MCTP2: variants seen among roughly 807,000 people sequenced by gnomAD.
MCTP2 encodes multiple C2 and transmembrane domain-containing protein 2.
Under a neutral mutation model 111.6 loss-of-function variants are expected in MCTP2, and 132 were observed. That is an observed-to-expected ratio of 1.18 (90% CI 1.03 to 1.37). The LOEUF (loss-of-function observed/expected upper bound fraction) is 1.37, where lower values mean the gene tolerates loss of function less well. Ranked by LOEUF, MCTP2 falls within the 40% of genes most tolerant of loss-of-function variation. MCTP2 has a pLI of 0.00. For synonymous variants in MCTP2, 395 were observed against 387.7 expected (o/e 1.02, Z -0.22); for missense variants, 1,183 against 1,067.9 (o/e 1.11, Z -1.50).
intron 1 of MCTP2, among the ~76,000 whole-genome samples, chr15:94,291,529 A>G (rs963262271): frequency 6.6e-6 from 1 of 151,960 alleles, no homozygotes; most frequent in Non-Finnish European, 1.5e-5. Context: ...TGAACCGGGG[A>G]GGTGGAGGTT....
chr15:94,335,214 G>C (rs1278154093), intron 4 of MCTP2, among the ~76,000 whole-genome samples: 1 of 152,132 alleles, frequency 6.6e-6, no homozygotes, highest in Non-Finnish European at 1.5e-5. Context: ...CCTGCTGCTC[G>C]TGAGTGAACC....
intron 1 of MCTP2, among the ~76,000 whole-genome samples, chr15:94,281,734 T>G (rs1327531293): frequency 1.3e-5 from 2 of 152,320 alleles, no homozygotes; most frequent in Non-Finnish European, 2.9e-5. Flanking sequence ...CATAAGGACC[T>G]CTTATAAGGC....
At chr15:94,257,566 GTTGTTTTTTTTTTTTTTT>G (rs1301074390) in intron 1 of MCTP2, among the ~76,000 whole-genome samples, 16 of 73,006 alleles carry the variant, frequency 2.2e-4, no homozygotes, top group African/African-American at 3.5e-4. Context: ...CATTTTCTTT[GTTGTTTTTTTTTTTTTTT>G]TTTTTTTTTT....
intron 4 of MCTP2, among the ~76,000 whole-genome samples, chr15:94,327,555 TGA>T (rs1283831653): frequency 6.6e-6 from 1 of 152,206 alleles, no homozygotes; most frequent in Non-Finnish European, 1.5e-5. Flanking sequence ...CCAGATGGCA[TGA>T]GATCATTGGC....
intron 1 of MCTP2, among the ~76,000 whole-genome samples, chr15:94,242,684 GTT>G (rs55727019): frequency 2.6e-4 from 39 of 151,100 alleles, no homozygotes; most frequent in African/African-American, 8.7e-4. Context: ...GACACTGAAA[GTT>G]TTTTTTTAAA....
intron 20 of MCTP2, among the ~76,000 whole-genome samples, chr15:94,465,319 A>G (rs1395308221): frequency 6.6e-6 from 1 of 152,092 alleles, no homozygotes; most frequent in Non-Finnish European, 1.5e-5. Context: ...GAAATCATGG[A>G]TAGTACTGAC....
chr15:94,402,824 C>T, intron 17 of MCTP2: 1 of 1,329,600 alleles, frequency 7.5e-7, no homozygotes, highest in Non-Finnish European at 9.7e-7. Context: ...GCAAAGATCA[C>T]TATAAAAACT....
chr15:94,243,367 GCGTATGTACATACATA>G (rs2071247508), intron 1 of MCTP2, among the ~76,000 whole-genome samples: 1 of 134,322 alleles, frequency 7.4e-6, no homozygotes, highest in African/African-American at 2.7e-5. Flanking sequence ...ATGCGTATAT[GCGTATGTACATACATA>G]CGTATGCGTA....
At chr15:94,239,390 A>G (rs2070780777) in intron 1 of MCTP2, among the ~76,000 whole-genome samples, 1 of 152,118 alleles carries the variant, frequency 6.6e-6, no homozygotes, top group South Asian at 2.1e-4. Context: ...CTCAATTATT[A>G]TTTTCACTGG....
At chr15:94,245,764 G>T (rs1034564299) in intron 1 of MCTP2, among the ~76,000 whole-genome samples, 3 of 149,454 alleles carry the variant, frequency 2.0e-5, no homozygotes, top group Middle Eastern at 3.5e-3. Context: ...ACCTTTGAAG[G>T]CTTTGGAAGG....
chr15:94,339,203 GA>G, intron 4 of MCTP2, 86 bp from the exon 5 acceptor site: 1 of 940,656 alleles, frequency 1.1e-6, no homozygotes, highest in Non-Finnish European at 1.6e-6. Context: ...TTAGCCTGGG[GA>G]GTGGGGAAAG....
At chr15:94,399,555 C>T (rs887571604) in intron 15 of MCTP2, 3 of 182,400 alleles carry the variant, frequency 1.6e-5, no homozygotes, top group African/African-American at 4.7e-5. Flanking sequence ...AATTGTTATT[C>T]ACATGCAGAC....
At chr15:94,292,814 G>A (rs1168299916) in intron 1 of MCTP2, 2 of 152,038 alleles carry the variant, frequency 1.3e-5, no homozygotes, top group Non-Finnish European at 2.9e-5. Flanking sequence ...AATTTGGAGA[G>A]GTCACACTAC....
At chr15:94,288,016 C>G (rs375353331) in intron 1 of MCTP2, among the ~76,000 whole-genome samples, 1 of 152,154 alleles carries the variant, frequency 6.6e-6, no homozygotes, top group Non-Finnish European at 1.5e-5. Context: ...GTGGTGGAGG[C>G]AGTGGCAGCA....
At chr15:94,436,580 C>T (rs2083488900) in intron 17 of MCTP2, among the ~76,000 whole-genome samples, 1 of 152,048 alleles carries the variant, frequency 6.6e-6, no homozygotes, top group African/African-American at 2.4e-5. Context: ...TCTAGGATTG[C>T]TTAAGTATTC....
chr15:94,245,664 G>T (rs993608252), intron 1 of MCTP2, among the ~76,000 whole-genome samples: 60 of 144,974 alleles, frequency 4.1e-4, no homozygotes, highest in African/African-American at 1.5e-3. Context: ...ATATGTAAAT[G>T]TGTATATACA....
At chr15:94,459,399 A>G in intron 20 of MCTP2, among the ~76,000 whole-genome samples, 1 of 152,214 alleles carries the variant, frequency 6.6e-6, no homozygotes, top group Non-Finnish European at 1.5e-5. Context: ...ATGTTTTCTC[A>G]GTTGCACAGC....
intron 10 of MCTP2, among the ~76,000 whole-genome samples, 175 bp from the exon 11 acceptor site, chr15:94,367,430 G>T (rs867820990): frequency 6.6e-6 from 1 of 152,154 alleles, no homozygotes. Context: ...ATTTTAGAGT[G>T]TGTTAGGCTG....
chr15:94,351,354 A>G (rs1329939571), intron 8 of MCTP2, among the ~76,000 whole-genome samples: 1 of 152,218 alleles, frequency 6.6e-6, no homozygotes, highest in Non-Finnish European at 1.5e-5. Flanking sequence ...GCTGTTGACA[A>G]GGAACAGTAG....
Sources: allele counts gnomAD v4.1 joint callset (sites outside exome capture counted in the v4.1 genomes callset), GRCh38; gene constraint gnomAD v4.1.1; transcripts MANE v1.5; gene names NCBI Gene and HGNC (gene_info 2026-07-23, HGNC 2026-07-21).